Variants in ZSCAN25 observed in about 807,000 individuals in gnomAD.
The protein encoded by ZSCAN25 is zinc finger and SCAN domain-containing protein 25.
A neutral mutation model predicts 38.7 loss-of-function variants in ZSCAN25; 27 were observed. That is an observed-to-expected ratio of 0.70 (90% CI 0.51 to 0.96). The LOEUF (loss-of-function observed/expected upper bound fraction) is 0.96, where lower values mean the gene tolerates loss of function less well. ZSCAN25 is among the 40% of genes least tolerant of loss of function. The pLI is 0.00. For missense variants in ZSCAN25, 637 were observed against 705.9 expected (o/e 0.90, Z 1.11); for synonymous variants, 273 against 277.7 (o/e 0.98, Z 0.17).
chr7:99,729,214 A>G, the ZSCAN25 span, among the ~76,000 whole-genome samples: 1 of 152,106 alleles, frequency 6.6e-6, no homozygotes, highest in African/African-American at 2.4e-5. Context: ...TGGTTTCTCA[A>G]TTAATATAAA....
At chr7:99,652,632 A>T in the ZSCAN25 span, 7 of 1,613,814 alleles carry the variant, frequency 4.3e-6, no homozygotes, top group Non-Finnish European at 5.1e-6. Context: ...ACCACCATTG[A>T]CCCTTTGGGA....
At chr7:99,651,597 C>T in the ZSCAN25 span, among the ~76,000 whole-genome samples, 868 of 152,298 alleles carry the variant, frequency 5.7e-3, 5 homozygotes, top group Non-Finnish European at 9.6e-3. Flanking sequence ...GACACCATGA[C>T]CAACAAGACA....
the ZSCAN25 span, among the ~76,000 whole-genome samples, chr7:99,734,068 A>G: frequency 6.6e-6 from 1 of 152,212 alleles, no homozygotes; most frequent in Non-Finnish European, 1.5e-5. Context: ...GAAATAGTCT[A>G]TCTCCAAAAA....
At chr7:99,617,908 A>G (rs979592729) in intron 1 of ZSCAN25, among the ~76,000 whole-genome samples, 9 of 152,268 alleles carry the variant, frequency 5.9e-5, no homozygotes, top group African/African-American at 1.7e-4. Flanking sequence ...GTAGTGCATT[A>G]AATGCACTAG....
chr7:99,631,105 G>A lies in ZSCAN25; in HGVS notation c.*1085G>A. ...TGACCTCGTAGAGCTTATGTCTCGTGGATGTACCTGATCTTCAGAACCCGT... is the reference window on the plus strand; with the variant it reads ...TGACCTCGTAGAGCTTATGTCTCGTAGATGTACCTGATCTTCAGAACCCGT... On this transcript the variant is annotated 3_prime_UTR_variant, in exon 8 of 8. Transcript: ENST00000394152. 2.0e-6 allele frequency: 2 copies of A among 985,410 alleles called. No homozygotes were observed. The highest frequency in any genetic ancestry group is 2.4e-6 in the Non-Finnish European group (2 of 829,932). 61.0% of individuals were successfully genotyped at this position (985,410 alleles called of 1,614,324 possible).
the ZSCAN25 span, chr7:99,715,855 C>A: frequency 6.2e-7 from 1 of 1,613,906 alleles, no homozygotes; most frequent in Non-Finnish European, 8.5e-7. Context: ...AGTCGATGCT[C>A]ACTCCAAATG....
chr7:99,626,171 G>A (rs1807452996), intron 7 of ZSCAN25, among the ~76,000 whole-genome samples: 1 of 152,226 alleles, frequency 6.6e-6, no homozygotes. Context: ...AACAGGATTT[G>A]GAATCACAGA....
chr7:99,617,363 T>G (rs1475345847), intron 1 of ZSCAN25, among the ~76,000 whole-genome samples: 2 of 152,198 alleles, frequency 1.3e-5, no homozygotes, highest in African/African-American at 4.8e-5. Flanking sequence ...CATAGGACAC[T>G]TATTTAAAGA....
chr7:99,703,564 A>G, the ZSCAN25 span, among the ~76,000 whole-genome samples: 6 of 152,116 alleles, frequency 3.9e-5, no homozygotes, highest in African/African-American at 7.2e-5. Context: ...CCATCTATCC[A>G]TCTAGAAGGG....
chr7:99,688,474 A>G, the ZSCAN25 span, among the ~76,000 whole-genome samples: 1 of 152,250 alleles, frequency 6.6e-6, no homozygotes, highest in Non-Finnish European at 1.5e-5. Context: ...AGAGCTAACT[A>G]TCCTAAATAT....
chr7:99,692,281 C>G, the ZSCAN25 span, among the ~76,000 whole-genome samples: 2 of 152,208 alleles, frequency 1.3e-5, no homozygotes, highest in Non-Finnish European at 2.9e-5. Flanking sequence ...GTCTGGTGGA[C>G]TTCCCTTTGT....
chr7:99,658,577 G>A, the ZSCAN25 span, among the ~76,000 whole-genome samples: 6 of 152,114 alleles, frequency 3.9e-5, no homozygotes, highest in South Asian at 2.1e-4. Flanking sequence ...TGCTCTTCTC[G>A]AGGAGTATCT....
At chr7:99,656,017 A>G in the ZSCAN25 span, among the ~76,000 whole-genome samples, 3 of 152,226 alleles carry the variant, frequency 2.0e-5, no homozygotes, top group Non-Finnish European at 2.9e-5. Flanking sequence ...CAATCATGTC[A>G]TCTGCAAACA....
chr7:99,637,638 A>T, the ZSCAN25 span, among the ~76,000 whole-genome samples: 5 of 152,168 alleles, frequency 3.3e-5, no homozygotes, highest in African/African-American at 1.2e-4. Context: ...TATTACAATG[A>T]TATTACTCAT....
the ZSCAN25 span, among the ~76,000 whole-genome samples, chr7:99,698,408 C>G: frequency 4.6e-5 from 7 of 152,198 alleles, no homozygotes; most frequent in African/African-American, 1.7e-4. Context: ...CTTTGGAGTT[C>G]TACCCTGAGA....
At chr7:99,705,146 C>G in the ZSCAN25 span, 1 of 247,106 alleles carries the variant, frequency 4.0e-6, no homozygotes, top group Non-Finnish European at 8.0e-6. Flanking sequence ...CAAAATAATT[C>G]CTATTTTTAT....
At chr7:99,715,547 G>T in the ZSCAN25 span, 3 of 790,110 alleles carry the variant, frequency 3.8e-6, no homozygotes, top group Non-Finnish European at 5.8e-6. Flanking sequence ...AGGATTTCTG[G>T]CAGGGGGTTG....
the ZSCAN25 span, chr7:99,709,272 A>C: frequency 9.3e-6 from 15 of 1,613,098 alleles, no homozygotes; most frequent in South Asian, 2.2e-5. Flanking sequence ...CTGAAAAGAA[A>C]GAAACAGATT....
the ZSCAN25 span, among the ~76,000 whole-genome samples, chr7:99,725,214 G>A: frequency 6.6e-6 from 1 of 152,136 alleles, no homozygotes; most frequent in African/African-American, 2.4e-5. Flanking sequence ...ACCATTAGAT[G>A]CTTCACAGCC....
Sources: allele counts gnomAD v4.1 joint callset (sites outside exome capture counted in the v4.1 genomes callset), GRCh38; gene constraint gnomAD v4.1.1; transcripts MANE v1.5; gene names NCBI Gene and HGNC (gene_info 2026-07-23, HGNC 2026-07-21).